NEDD9: variants seen among roughly 807,000 people sequenced by gnomAD.
The protein encoded by NEDD9 is enhancer of filamentation 1.
NEDD9 carries 26 observed loss-of-function variants against 76.6 expected under a neutral mutation model. The ratio of observed to expected loss-of-function variants is 0.34; its 90% CI spans 0.25 to 0.47. The LOEUF is 0.47. Among genes scored for constraint, NEDD9 ranks in the 20% least tolerant of loss-of-function variants. NEDD9 has a pLI of 1.00. For synonymous variants in NEDD9, 392 were observed against 414.2 expected (o/e 0.95, Z 0.65); for missense variants, 937 against 1,058.5 (o/e 0.89, Z 1.59).
intron 1 of NEDD9, among the ~76,000 whole-genome samples, chr6:11,227,788 G>A (rs1009935243): frequency 6.1e-5 from 8 of 131,026 alleles, no homozygotes; most frequent in African/African-American, 2.2e-4. Context: ...GTAAGGTAGT[G>A]CTAACAGAGT....
intron 1 of NEDD9, among the ~76,000 whole-genome samples, chr6:11,219,969 T>A (rs1223654103): frequency 6.6e-6 from 1 of 152,226 alleles, no homozygotes; most frequent in Non-Finnish European, 1.5e-5. Context: ...CTCTTGAGAT[T>A]ATGAAGTCAC....
rs551662939 is a variant in NEDD9, at chr6:11,232,646, C to A, written c.-131G>T. 295 of 1,561,232 alleles carry A rather than the reference C, an allele frequency of 1.9e-4. 3 individuals carry two copies. In the South Asian group the frequency reaches 3.3e-3, roughly 17 times the overall value. ...GTCCCGGGCAGAGCCGCTTGTCAGT[C>A]GCAGCGCCTCCCTCAAGTCTCTGAG... On this transcript the variant is annotated 5_prime_UTR_variant, in exon 1 of 7. Transcript: ENST00000379446.
intron 2 of NEDD9, among the ~76,000 whole-genome samples, chr6:11,323,268 T>C (rs1761850965): frequency 6.6e-6 from 1 of 152,270 alleles, no homozygotes; most frequent in Non-Finnish European, 1.5e-5. Context: ...TGAGTGACTT[T>C]ACTATACCCC....
chr6:11,205,709 C>T (rs1762747107), intron 2 of NEDD9, among the ~76,000 whole-genome samples: 1 of 152,030 alleles, frequency 6.6e-6, no homozygotes, highest in South Asian at 2.1e-4. Flanking sequence ...TCACTGCAAC[C>T]TCTGCCTCCC....
At chr6:11,236,966 CT>C (rs1300826170), upstream of NEDD9, among the ~76,000 whole-genome samples, 1 of 152,160 alleles carries the variant, frequency 6.6e-6, no homozygotes, top group African/African-American at 2.4e-5. This position sits in a 1 kb window ranked among gnomAD's most constrained non-coding sequence, Gnocchi z 5.5. Context: ...TTGCCGGGAA[CT>C]TACTGATTCC....
chr6:11,249,828 G>A lies in NEDD9; in HGVS notation c.13-36101C>T, dbSNP rs577966204. On this transcript the variant is annotated intron_variant, in intron 3 of 3. Transcript: ENST00000397378. ...CAATAGAGTGCATTTCCCTCTTCCT[G>A]CCCAGAGGTTATGTTCTGTTGGCTC... 2.6e-5 allele frequency among the ~76,000 whole-genome samples: 4 copies of A among 152,322 alleles called. No individual in the cohort carries two copies. The East Asian group carries it at 7.7e-4, about 29-fold the overall frequency.
intron 3 of NEDD9, chr6:11,251,838 C>G (rs567932027): frequency 3.9e-5 from 6 of 152,398 alleles, no homozygotes; most frequent in African/African-American, 1.4e-4. Context: ...TAGCTGCCCT[C>G]AGAGCCTTTG....
At chr6:11,272,302 C>T (rs1760324908) in intron 3 of NEDD9, among the ~76,000 whole-genome samples, 1 of 152,152 alleles carries the variant, frequency 6.6e-6, no homozygotes, top group Non-Finnish European at 1.5e-5. Flanking sequence ...TTCTAATGTT[C>T]CATAGAAGAG....
intron 2 of NEDD9, among the ~76,000 whole-genome samples, chr6:11,327,759 T>G (rs1332466614): frequency 6.6e-6 from 1 of 152,236 alleles, no homozygotes; most frequent in Non-Finnish European, 1.5e-5. Context: ...CAATCCCTCA[T>G]GCTAGGGTGC....
chr6:11,379,706 C>T (rs1763028543), intron 1 of NEDD9, among the ~76,000 whole-genome samples: 1 of 151,224 alleles, frequency 6.6e-6, no homozygotes, highest in Non-Finnish European at 1.5e-5. Context: ...ATAAGGTAAC[C>T]ATAAAAAGCA....
chr6:11,231,113 G>A (rs530251962), intron 1 of NEDD9, among the ~76,000 whole-genome samples: 1 of 152,262 alleles, frequency 6.6e-6, no homozygotes, highest in East Asian at 1.9e-4. Context: ...AAGGAAATAT[G>A]GGGTGAGCCA....
At chr6:11,227,112 TA>T (rs1759329509) in intron 1 of NEDD9, among the ~76,000 whole-genome samples, 1 of 152,180 alleles carries the variant, frequency 6.6e-6, no homozygotes, top group African/African-American at 2.4e-5. Context: ...CAATGAACAA[TA>T]ATGAAGGAAT....
chr6:11,313,034 C>G (rs933401537), intron 2 of NEDD9, among the ~76,000 whole-genome samples: 1 of 152,024 alleles, frequency 6.6e-6, no homozygotes, highest in Non-Finnish European at 1.5e-5. Context: ...AAGTGCAGGA[C>G]CCCTAGGACT....
At chr6:11,220,032 A>G (rs143431563) in intron 1 of NEDD9, among the ~76,000 whole-genome samples, 1 of 152,230 alleles carries the variant, frequency 6.6e-6, no homozygotes, top group African/African-American at 2.4e-5. Context: ...TTATGATATA[A>G]TATAAGATAT....
rs768966148 is a variant in NEDD9, at chr6:11,213,280, C to A, written c.459+1G>T. ...AAAAATTTAGTTAGTCATTTACTCA[C>A]CTTTTTACCCACGTGGGGCCCACTG... On this transcript the variant is annotated splice_donor_variant, in intron 2 of 6. Coordinates refer to ENST00000379446, the MANE Select transcript of NEDD9 (RefSeq NM_006403.4). LOFTEE classifies it high-confidence loss of function. This position sits in a 1 kb window ranked among gnomAD's most constrained non-coding sequence, Gnocchi z 5.4. The A allele has an allele frequency of 1.3e-6, 2 of 1,594,274 alleles. No individual in the cohort carries two copies. Among genetic ancestry groups the A allele is most frequent in the Non-Finnish European group, 8.6e-7 (1 of 1,167,120 alleles).
chr6:11,234,009 A>G (rs1759550269), upstream of NEDD9, among the ~76,000 whole-genome samples: 1 of 152,180 alleles, frequency 6.6e-6, no homozygotes, highest in African/African-American at 2.4e-5. Flanking sequence ...CAGCTGTCCT[A>G]CAAAAGTGGT....
intron 3 of NEDD9, among the ~76,000 whole-genome samples, chr6:11,296,804 C>T (rs1760906733): frequency 6.6e-6 from 1 of 152,006 alleles, no homozygotes; most frequent in African/African-American, 2.4e-5. Flanking sequence ...TCTGAGCTCA[C>T]TGCAACCTTC....
At chr6:11,332,939 T>C (rs1444103947) in intron 2 of NEDD9, among the ~76,000 whole-genome samples, 1 of 151,856 alleles carries the variant, frequency 6.6e-6, no homozygotes, top group Non-Finnish European at 1.5e-5. Context: ...TTATGTCAGC[T>C]CAGCACATAG....
At chr6:11,251,906 C>G (rs1175294321) in intron 3 of NEDD9, among the ~76,000 whole-genome samples, 1 of 152,180 alleles carries the variant, frequency 6.6e-6, no homozygotes, top group African/African-American at 2.4e-5. Context: ...TTCTGTGCTG[C>G]TTCATGCTTT....
Sources: allele counts gnomAD v4.1 joint callset (sites outside exome capture counted in the v4.1 genomes callset), GRCh38; gene constraint gnomAD v4.1.1; non-coding constraint Gnocchi (gnomAD v3.1); transcripts MANE v1.5; gene names NCBI Gene and HGNC (gene_info 2026-07-23, HGNC 2026-07-21).